The following EDN1 variants were observed in gnomAD, a reference collection of about 807,000 sequenced individuals.
EDN1 encodes endothelin-1.
Under a neutral mutation model 21.7 loss-of-function variants are expected in EDN1, and 11 were observed. The ratio of observed to expected loss-of-function variants is 0.51; its 90% CI spans 0.32 to 0.84. EDN1 has a LOEUF of 0.84. Ranked by LOEUF, EDN1 falls within the 40% of genes least tolerant of loss-of-function variation. The pLI is 0.03. For missense variants in EDN1, 244 were observed against 262.3 expected, an observed-to-expected ratio of 0.93 and a Z score of 0.48; for synonymous variants, 85 against 90.6, an observed-to-expected ratio of 0.94 and a Z score of 0.35.
the EDN1 span, among the ~76,000 whole-genome samples, chr6:12,250,230 G>A: frequency 6.6e-6 from 1 of 151,504 alleles, no homozygotes; most frequent in Non-Finnish European, 1.5e-5. Context: ...CATATTTGTG[G>A]TTAATGGCCT....
At chr6:12,290,228 T>A (rs982619013), upstream of EDN1, 2 of 231,942 alleles carry the variant, frequency 8.6e-6, no homozygotes, top group African/African-American at 4.6e-5. Context: ...CCTGGCCTTA[T>A]CTCCGGCTGC....
chr6:12,290,227 A>G, upstream of EDN1: 1 of 229,414 alleles, frequency 4.4e-6, no homozygotes, highest in Non-Finnish European at 8.8e-6. Context: ...GCCTGGCCTT[A>G]TCTCCGGCTG....
At chr6:12,261,264 G>A in the EDN1 span, among the ~76,000 whole-genome samples, 2 of 152,276 alleles carry the variant, frequency 1.3e-5, no homozygotes, top group Non-Finnish European at 2.9e-5. Context: ...TAAAACTGAA[G>A]TATAATAAGA....
the EDN1 span, among the ~76,000 whole-genome samples, chr6:12,264,639 A>AC: frequency 3.3e-5 from 5 of 152,114 alleles, no homozygotes; most frequent in Non-Finnish European, 5.9e-5. Flanking sequence ...TTGCAAAAAA[A>AC]CTCAATGTTT....
At chr6:12,241,189 G>A in the EDN1 span, among the ~76,000 whole-genome samples, 13 of 143,568 alleles carry the variant, frequency 9.1e-5, no homozygotes, top group African/African-American at 3.3e-4. Flanking sequence ...TTATTGAGAT[G>A]GAGTCTCACT....
At chr6:12,258,719 CAA>C in the EDN1 span, among the ~76,000 whole-genome samples, 1 of 152,124 alleles carries the variant, frequency 6.6e-6, no homozygotes. Context: ...CAGTTTAAAA[CAA>C]AGTGTCTTTC....
chr6:12,258,338 A>G, the EDN1 span, among the ~76,000 whole-genome samples: 1 of 149,376 alleles, frequency 6.7e-6, no homozygotes, highest in African/African-American at 2.5e-5. Context: ...AATCCCAGCT[A>G]CTCAGGAGAC....
At chr6:12,238,980 C>A in the EDN1 span, among the ~76,000 whole-genome samples, 2 of 152,166 alleles carry the variant, frequency 1.3e-5, no homozygotes, top group Non-Finnish European at 2.9e-5. Context: ...CTCAATGGAT[C>A]TTTTAGTTAT....
Position 12,294,081 on chromosome 6 carries a change from C to A in EDN1, c.374C>A (p.Ala125Glu). ...AAGAAGTGCTGGAATTTTTGCCAAG[C>A]AGGAAAAGAACTCAGGTGAGCAGAA... is the stretch of plus-strand genomic sequence containing the variant. ...KDKKCWNFCQ[A>E]GKELRAEDIM... is the part of the protein sequence containing the mutation. Residue 125 changes from alanine to glutamate, a missense_variant, in exon 3 of 5, where the codon GCA becomes GAA. Coordinates refer to ENST00000379375, the MANE Select transcript of EDN1 (RefSeq NM_001955.5). 6.2e-7 allele frequency: 1 copy of A among 1,614,122 alleles called. No homozygotes were observed. Among genetic ancestry groups the A allele is most frequent in the Non-Finnish European group, 8.5e-7 (1 of 1,180,020 alleles).
chr6:12,285,883 T>G (rs1477732309), upstream of EDN1, among the ~76,000 whole-genome samples: 2 of 152,226 alleles, frequency 1.3e-5, no homozygotes, highest in Non-Finnish European at 2.9e-5. Flanking sequence ...TTTAATAGCT[T>G]AATGAATGTA....
chr6:12,270,751 C>T, the EDN1 span, among the ~76,000 whole-genome samples: 315 of 152,200 alleles, frequency 2.1e-3, 1 homozygote, highest in African/African-American at 7.2e-3. Flanking sequence ...TATTCTGTAG[C>T]GGTTGGGTGG....
the EDN1 span, among the ~76,000 whole-genome samples, chr6:12,284,157 G>A: frequency 6.6e-6 from 1 of 152,162 alleles, no homozygotes; most frequent in Non-Finnish European, 1.5e-5. Flanking sequence ...GTGGTGGCTC[G>A]ATAAACACGG....
At chr6:12,284,744 GAAGGAAGA>G in the EDN1 span, among the ~76,000 whole-genome samples, 568 of 68,648 alleles carry the variant, frequency 8.3e-3, no homozygotes, top group African/African-American at 0.014. Flanking sequence ...AGGAAGGAAG[GAAGGAAGA>G]AAGAAAGAAA....
the EDN1 span, among the ~76,000 whole-genome samples, chr6:12,244,000 C>T: frequency 6.6e-6 from 1 of 152,058 alleles, no homozygotes; most frequent in Admixed American, 6.6e-5. Context: ...TAAGTTAAGA[C>T]TTGTAGCACA....
intron 4 of EDN1, among the ~76,000 whole-genome samples, 191 bp from the exon 5 acceptor site, chr6:12,295,771 T>C (rs1762807885): frequency 6.6e-6 from 1 of 152,146 alleles, no homozygotes; most frequent in Admixed American, 6.5e-5. Context: ...ATTCTAAGCA[T>C]AGGGGCAGGC....
the EDN1 span, among the ~76,000 whole-genome samples, chr6:12,241,166 C>CTTA: frequency 7.2e-6 from 1 of 138,358 alleles, no homozygotes; most frequent in Non-Finnish European, 1.5e-5. Context: ...TTCTTTCTTT[C>CTTA]TTTTTTTTTT....
the EDN1 span, among the ~76,000 whole-genome samples, chr6:12,239,588 C>A: frequency 6.6e-6 from 1 of 152,072 alleles, no homozygotes; most frequent in Non-Finnish European, 1.5e-5. Flanking sequence ...CCATTTTGGA[C>A]CATAAAGTAA....
At chr6:12,287,402 G>A (rs1228949398), upstream of EDN1, among the ~76,000 whole-genome samples, 2 of 151,996 alleles carry the variant, frequency 1.3e-5, no homozygotes, top group Admixed American at 1.3e-4. Flanking sequence ...AGGGGTGGGG[G>A]CATCAAGCTT....
intron 4 of EDN1, among the ~76,000 whole-genome samples, chr6:12,294,947 G>T: frequency 1.5e-5 from 1 of 66,214 alleles, no homozygotes; most frequent in African/African-American, 5.9e-5. Flanking sequence ...TTTTAAATAG[G>T]GAAATGTGTT....
Sources: allele counts gnomAD v4.1 joint callset (sites outside exome capture counted in the v4.1 genomes callset), GRCh38; gene constraint gnomAD v4.1.1; transcripts MANE v1.5; gene names NCBI Gene and HGNC (gene_info 2026-07-23, HGNC 2026-07-21).